Variants in SIMC1 observed in about 807,000 individuals in gnomAD.
SIMC1 encodes the protein SUMO interacting motifs containing 1.
Under a neutral mutation model 82.3 loss-of-function variants are expected in SIMC1, and 55 were observed. The ratio of observed to expected loss-of-function variants is 0.67; its 90% CI spans 0.54 to 0.84. The LOEUF is 0.84. Among genes scored for constraint, SIMC1 ranks in the 40% least tolerant of loss-of-function variants. The pLI, the probability that SIMC1 is intolerant of heterozygous loss-of-function variation, is 0.00. For missense variants in SIMC1, 915 were observed against 1,107.2 expected (o/e 0.83, Z 2.46); for synonymous variants, 353 against 426.3 (o/e 0.83, Z 2.12).
rs1019990287 is a variant in SIMC1, at chr5:176,246,463, G to C, written c.129+7826G>C. On this transcript the variant is annotated intron_variant, in intron 1 of 9. Transcript: ENST00000429602. ...GTGTGTGTGTGTTGTTTGTTTGTTT[G>C]TCTTGAGATGGAGTCTCACTCTGCC... Among the ~76,000 whole-genome samples the C allele has an allele frequency of 6.0e-5, 9 of 149,138 alleles. No individual in the cohort carries two copies. The Middle Eastern group carries it at 0.014, about 237-fold the overall frequency.
Position 176,290,892 on chromosome 5 carries a change from C to A in SIMC1, c.1368C>A (p.Phe456Leu). The A allele has an allele frequency of 2.5e-6, 4 of 1,612,256 alleles. No homozygotes were observed. Among genetic ancestry groups the A allele is most frequent in the Non-Finnish European group, 3.4e-6 (4 of 1,178,906 alleles). Reference sequence around the variant, plus strand: ...CATGCCTGCATAGACTGAAGTACTTCTTACGTCCTCCGGTTCATCACCTCT... The same window carrying A: ...CATGCCTGCATAGACTGAAGTACTTATTACGTCCTCCGGTTCATCACCTCT... Reference protein sequence around the residue: ...NRPCLHRLKYFLRPPVHHLFF... With the variant: ...NRPCLHRLKYLLRPPVHHLFF... Residue 456 changes from phenylalanine (F) to leucine (L), a missense_variant, in exon 2 of 10, where the codon TTC (phenylalanine) becomes TTA (leucine). By Grantham distance (22) the Phe-to-Leu change is conservative. This residue lies in a region of SIMC1 where 902 missense variants were observed against 1,040.3 expected (regional missense o/e 0.87). Transcript: ENST00000429602.
chr5:176,281,018 C>A (rs1270960090), intron 1 of SIMC1, among the ~76,000 whole-genome samples: 2 of 152,198 alleles, frequency 1.3e-5, no homozygotes, highest in African/African-American at 2.4e-5. Flanking sequence ...TGATATCCTG[C>A]AGAGTGTTTT....
intron 1 of SIMC1, among the ~76,000 whole-genome samples, chr5:176,283,878 G>A (rs1050531428): frequency 2.0e-5 from 3 of 152,114 alleles, no homozygotes; most frequent in African/African-American, 4.8e-5. Context: ...TGCAATCCTA[G>A]TCTCTGATAA....
At chr5:176,328,811 A>G (rs1765503719) in intron 7 of SIMC1, among the ~76,000 whole-genome samples, 2 of 152,318 alleles carry the variant, frequency 1.3e-5, no homozygotes, top group Middle Eastern at 3.4e-3. Flanking sequence ...ACTTGAGCAC[A>G]GGCGTATGAG....
At chr5:176,313,053 C>A in intron 4 of SIMC1, 1 of 178,930 alleles carries the variant, frequency 5.6e-6, no homozygotes, top group Non-Finnish European at 1.2e-5. Context: ...CCTCCAAAGC[C>A]CATGCTCTTT....
chr5:176,291,068 T>G (rs1156667273), intron 2 of SIMC1, 113 bp downstream of exon 2: 7 of 664,716 alleles, frequency 1.1e-5, no homozygotes. Flanking sequence ...ATGAAATTTC[T>G]TATCTTTCCT....
chr5:176,314,206 G>T (rs1417420743), intron 5 of SIMC1, among the ~76,000 whole-genome samples: 1 of 152,210 alleles, frequency 6.6e-6, no homozygotes, highest in Non-Finnish European at 1.5e-5. Flanking sequence ...GGCAGAGGTT[G>T]CAGTGAGCCG....
At chr5:176,240,273 A>G (rs1457991725) in intron 1 of SIMC1, among the ~76,000 whole-genome samples, 6 of 103,102 alleles carry the variant, frequency 5.8e-5, no homozygotes, top group Non-Finnish European at 1.1e-4. Flanking sequence ...CCTCATTCCT[A>G]TAGCCTCTTC....
chr5:176,340,077 T>G (rs1766062496), intron 9 of SIMC1, among the ~76,000 whole-genome samples: 1 of 152,162 alleles, frequency 6.6e-6, no homozygotes, highest in Non-Finnish European at 1.5e-5. Context: ...TTCCTTTTGT[T>G]TAGGGGAACT....
intron 1 of SIMC1, 153 bp downstream of exon 1, chr5:176,238,790 GGGGCAGGGGCCA>G: frequency 2.0e-6 from 1 of 504,918 alleles, no homozygotes; most frequent in Non-Finnish European, 2.7e-6. Context: ...GCGGCGGGCC[GGGGCAGGGGCCA>G]GGGCAGGGAC....
At chr5:176,260,435 C>T (rs1156262066) in intron 1 of SIMC1, among the ~76,000 whole-genome samples, 2 of 152,000 alleles carry the variant, frequency 1.3e-5, no homozygotes, top group Non-Finnish European at 2.9e-5. Flanking sequence ...CCAAATACCA[C>T]CTGTTACCCA....
chr5:176,321,429 G>A (rs1227136311), intron 5 of SIMC1, among the ~76,000 whole-genome samples: 5 of 150,472 alleles, frequency 3.3e-5, no homozygotes, highest in South Asian at 2.1e-4. Context: ...GCGACAGAGC[G>A]AGACTCTGCC....
chr5:176,310,803 G>A (rs1764630955), intron 4 of SIMC1, among the ~76,000 whole-genome samples: 1 of 152,002 alleles, frequency 6.6e-6, no homozygotes, highest in Non-Finnish European at 1.5e-5. Context: ...GAAGTTGTAT[G>A]GACCTACATA....
chr5:176,241,603 C>A (rs566489133), intron 1 of SIMC1, among the ~76,000 whole-genome samples: 1 of 151,516 alleles, frequency 6.6e-6, no homozygotes, highest in East Asian at 1.9e-4. Context: ...GGGTTGCTAA[C>A]CCCCCCGTGC....
chr5:176,307,890 T>C (rs1292249409), intron 4 of SIMC1, among the ~76,000 whole-genome samples: 1 of 152,188 alleles, frequency 6.6e-6, no homozygotes, highest in Non-Finnish European at 1.5e-5. Flanking sequence ...CAATTCTAGA[T>C]ATAGACCCAA....
intron 4 of SIMC1, among the ~76,000 whole-genome samples, chr5:176,297,514 A>C (rs1398199763): frequency 3.3e-5 from 5 of 151,474 alleles, no homozygotes; most frequent in Non-Finnish European, 7.4e-5. Flanking sequence ...AAAAAAAAAA[A>C]AAAAAAAAAA....
At chr5:176,286,666 A>C (rs1258245758) in intron 1 of SIMC1, among the ~76,000 whole-genome samples, 1 of 152,270 alleles carries the variant, frequency 6.6e-6, no homozygotes, top group Non-Finnish European at 1.5e-5. Context: ...TCTGCACAGC[A>C]AAAGAAACTA....
chr5:176,288,178 C>T (rs1487110139), intron 1 of SIMC1, among the ~76,000 whole-genome samples: 2 of 152,246 alleles, frequency 1.3e-5, no homozygotes, highest in East Asian at 1.9e-4. Flanking sequence ...GAGGCCAAAG[C>T]CGGGGAATCA....
chr5:176,266,318 C>T (rs1373303053), intron 1 of SIMC1, among the ~76,000 whole-genome samples: 2 of 152,048 alleles, frequency 1.3e-5, no homozygotes, highest in Non-Finnish European at 2.9e-5. Flanking sequence ...AGAGGAATCC[C>T]TGCAAACAAG....
Sources: gnomAD v4.1 joint callset for allele counts (sites outside exome capture counted in the v4.1 genomes callset) on GRCh38, gnomAD v4.1.1 for gene constraint, gnomAD v4.1.1 regional missense constraint, MANE v1.5 for transcripts, NCBI Gene and HGNC (gene_info 2026-07-23, HGNC 2026-07-21) for gene names.